The following DIP2B variants were observed in gnomAD, a reference collection of about 807,000 sequenced individuals.
DIP2B encodes disco-interacting protein 2 homolog B.
A neutral mutation model predicts 198.0 loss-of-function variants in DIP2B; 76 were observed. That is an observed-to-expected ratio of 0.38 (90% CI 0.32 to 0.46). The LOEUF (loss-of-function observed/expected upper bound fraction) is 0.46. Among genes scored for constraint, DIP2B ranks in the 20% least tolerant of loss-of-function variants. The pLI, the probability that DIP2B is intolerant of heterozygous loss-of-function variation, is 0.99. For synonymous variants in DIP2B, 701 were observed against 739.1 expected, an observed-to-expected ratio of 0.95 and a Z score of 0.84; for missense variants, 1,559 against 1,978.4, an observed-to-expected ratio of 0.79 and a Z score of 4.02.
At chr12:50,652,582 A>G (rs1938476521) in intron 3 of DIP2B, among the ~76,000 whole-genome samples, 1 of 152,114 alleles carries the variant, frequency 6.6e-6, no homozygotes, top group Non-Finnish European at 1.5e-5. Context: ...CTTTTTAAAT[A>G]TTATTTTGGC....
intron 3 of DIP2B, among the ~76,000 whole-genome samples, chr12:50,644,112 GTATAAAGAACTTACC>G (rs997785418): frequency 2.0e-5 from 3 of 152,176 alleles, no homozygotes; most frequent in Non-Finnish European, 4.4e-5. Context: ...TTCAGACACA[GTATAAAGAACTTACC>G]TTTATTCAGA....
At chr12:50,725,671 GAT>G (rs1264409212) in intron 28 of DIP2B, among the ~76,000 whole-genome samples, 1 of 152,118 alleles carries the variant, frequency 6.6e-6, no homozygotes, top group Non-Finnish European at 1.5e-5. Flanking sequence ...GAGCCCTTAT[GAT>G]ATGTCAGTCA....
intron 1 of DIP2B, among the ~76,000 whole-genome samples, chr12:50,506,515 C>T (rs1565806044): frequency 6.6e-6 from 1 of 152,118 alleles, no homozygotes; most frequent in Non-Finnish European, 1.5e-5. Flanking sequence ...TTTTAATAAC[C>T]CAATGTGTAG....
intron 32 of DIP2B, 143 bp downstream of exon 32, chr12:50,732,679 T>G: frequency 9.8e-7 from 1 of 1,023,092 alleles, no homozygotes; most frequent in Non-Finnish European, 1.4e-6. Context: ...TAAATCTCGA[T>G]TTCTTTGTGT....
intron 1 of DIP2B, among the ~76,000 whole-genome samples, chr12:50,597,237 T>C (rs1319141995): frequency 6.6e-6 from 1 of 152,220 alleles, no homozygotes; most frequent in Non-Finnish European, 1.5e-5. Context: ...CAATAGCACA[T>C]GTTGGAATGG....
intron 1 of DIP2B, among the ~76,000 whole-genome samples, chr12:50,597,435 A>G (rs188338420): frequency 6.6e-6 from 1 of 152,248 alleles, no homozygotes; most frequent in African/African-American, 2.4e-5. Context: ...GACAGCAGCT[A>G]TCTCACTTTT....
intron 1 of DIP2B, among the ~76,000 whole-genome samples, chr12:50,584,764 A>G (rs1016705998): frequency 6.6e-6 from 1 of 152,080 alleles, no homozygotes; most frequent in Non-Finnish European, 1.5e-5. Context: ...GAGTTTCACC[A>G]TGTTGGCCAG....
intron 1 of DIP2B, among the ~76,000 whole-genome samples, chr12:50,593,189 AG>A (rs1316802773): frequency 3.9e-5 from 6 of 152,174 alleles, no homozygotes; most frequent in African/African-American, 1.4e-4. Flanking sequence ...TTAAGACCAG[AG>A]TGGAGTTCAG....
intron 23 of DIP2B, 63 bp from the exon 24 acceptor site, chr12:50,718,646 A>G: frequency 2.1e-6 from 3 of 1,427,354 alleles, no homozygotes; most frequent in Non-Finnish European, 2.9e-6. Context: ...CAGTCTGGAA[A>G]TGCTCTGGAT....
chr12:50,508,251 C>T (rs565802583), intron 1 of DIP2B, among the ~76,000 whole-genome samples: 8 of 152,236 alleles, frequency 5.3e-5, no homozygotes, highest in African/African-American at 1.9e-4. Context: ...TTTCTATAGA[C>T]GAGTTGAATA....
At chr12:50,636,897 G>A (rs1013441549) in intron 2 of DIP2B, among the ~76,000 whole-genome samples, 10 of 152,144 alleles carry the variant, frequency 6.6e-5, no homozygotes, top group Non-Finnish European at 1.2e-4. Context: ...TCCTTACAGA[G>A]TCTACCCCTG....
At chr12:50,736,999 C>G in intron 34 of DIP2B, 37 bp from the exon 35 acceptor site, 2 of 1,600,918 alleles carry the variant, frequency 1.2e-6, no homozygotes, top group Non-Finnish European at 1.7e-6. Flanking sequence ...TTAGATTTCA[C>G]TGAACTCAAT....
At chr12:50,713,479 A>G (rs1041063834) in intron 22 of DIP2B, among the ~76,000 whole-genome samples, 4 of 152,258 alleles carry the variant, frequency 2.6e-5, no homozygotes, top group African/African-American at 9.6e-5. Flanking sequence ...ACAGCTGTCA[A>G]ACAGTGTAGG....
intron 1 of DIP2B, among the ~76,000 whole-genome samples, chr12:50,592,456 C>G (rs1236558436): frequency 6.6e-6 from 1 of 151,924 alleles, no homozygotes; most frequent in Non-Finnish European, 1.5e-5. Context: ...TGCGCCGGGC[C>G]TTAACTTTTA....
rs754712224 is a variant in DIP2B at position 50,744,709 on chromosome 12, T to C, written c.4601T>C (p.Val1534Ala). 13 of 1,614,106 alleles carry C rather than the reference T, an allele frequency of 8.1e-6. No homozygotes were observed. The highest frequency in any genetic ancestry group is 1.6e-4 in the Middle Eastern group (1 of 6,084). Residue 1534 changes from valine (V) to alanine (A), a missense_variant, in exon 38 of 38, where the codon GTT becomes GCT. Transcript: ENST00000301180. The stretch of plus-strand genomic sequence containing the variant: ...GTCCTGGAAGAGCATTACCTCATCG[T>C]TGGCGTCGTGGTTGTGGTGGACCCA... ...NVVLEEHYLI[V>A]GVVVVVDPGV...
At chr12:50,643,540 A>G (rs942312808) in intron 3 of DIP2B, among the ~76,000 whole-genome samples, 4 of 151,896 alleles carry the variant, frequency 2.6e-5, no homozygotes, top group Admixed American at 6.6e-5. Context: ...ATTGAAAGCT[A>G]TGAGGGTCCT....
intron 1 of DIP2B, among the ~76,000 whole-genome samples, chr12:50,566,659 C>A (rs1958565973): frequency 6.6e-6 from 1 of 151,840 alleles, no homozygotes; most frequent in African/African-American, 2.4e-5. Flanking sequence ...TTTTTGATTT[C>A]TTTTTCTGTT....
chr12:50,641,159 C>A (rs1326718559), intron 3 of DIP2B, among the ~76,000 whole-genome samples: 1 of 152,074 alleles, frequency 6.6e-6, no homozygotes, highest in Non-Finnish European at 1.5e-5. Context: ...GAGTTTGAGA[C>A]CAGCCAGGCC....
intron 23 of DIP2B, among the ~76,000 whole-genome samples, chr12:50,717,881 C>A (rs1053693961): frequency 3.3e-5 from 5 of 149,978 alleles, no homozygotes; most frequent in Non-Finnish European, 5.9e-5. Context: ...AGCCACCGTT[C>A]CTGGCCATTA....
Sources: gnomAD v4.1 joint callset for allele counts (sites outside exome capture counted in the v4.1 genomes callset) on GRCh38, gnomAD v4.1.1 for gene constraint, MANE v1.5 for transcripts, NCBI Gene and HGNC (gene_info 2026-07-23, HGNC 2026-07-21) for gene names.